The following KCTD1 variants were observed in gnomAD, a reference collection of about 807,000 sequenced individuals.
KCTD1 encodes potassium channel tetramerization domain containing 1, also known as BTB/POZ domain-containing protein KCTD1.
In KCTD1, 24 loss-of-function variants were observed where a neutral mutation model predicts 66.0. That is an observed-to-expected ratio of 0.36 (90% CI 0.26 to 0.51). The LOEUF is 0.51. Ranked by LOEUF, KCTD1 falls within the 20% of genes least tolerant of loss-of-function variation. The pLI is 0.95. For missense variants in KCTD1, 943 were observed against 1,205.2 expected, an observed-to-expected ratio of 0.78 and a Z score of 3.22; for synonymous variants, 511 against 517.2, an observed-to-expected ratio of 0.99 and a Z score of 0.16.
At chr18:26,651,407 C>G (rs763434714) in intron 1 of KCTD1, among the ~76,000 whole-genome samples, 26 of 152,176 alleles carry the variant, frequency 1.7e-4, no homozygotes, top group Non-Finnish European at 3.1e-4. Flanking sequence ...ACGGATATAA[C>G]CTTTCTAATC....
chr18:26,513,152 A>G (rs1983432756), intron 1 of KCTD1, among the ~76,000 whole-genome samples: 1 of 146,312 alleles, frequency 6.8e-6, no homozygotes, highest in Non-Finnish European at 1.5e-5. Flanking sequence ...CAATGGCGCC[A>G]TCTCGGTTCA....
Position 26,567,623 on chromosome 18 carries a change from GA to G in KCTD1, c.-16+61523del, listed in dbSNP as rs750000127. The stretch of plus-strand genomic sequence containing the variant: ...CTGCCTCAGCCTCCCGAGTAGGTGG[GA>G]TTACAGGCATGCACCACCACACTTG... On this transcript the variant is annotated intron_variant, in intron 1 of 4. Transcript: ENST00000317932. 1.1e-4 allele frequency among the ~76,000 whole-genome samples: 16 copies of G among 151,964 alleles called. No homozygotes were observed. In the East Asian group the frequency reaches 1.3e-3, roughly 13 times the overall value.
At chr18:26,556,613 T>A (rs1293999365) in intron 1 of KCTD1, among the ~76,000 whole-genome samples, 1 of 152,240 alleles carries the variant, frequency 6.6e-6, no homozygotes, top group Non-Finnish European at 1.5e-5. Flanking sequence ...ACATGCATCA[T>A]AGTTCTTTCT....
In KCTD1 at chr18:26,599,590, T is replaced by C; in HGVS notation, c.-16+29557A>G. Reference sequence around the variant, plus strand: ...CCCACAAAGAATCCAGCTTTGACATTATTTTGTCGGGTTTAGTCCCGGGAA... The same window carrying C: ...CCCACAAAGAATCCAGCTTTGACATCATTTTGTCGGGTTTAGTCCCGGGAA... On this transcript the variant is annotated intron_variant, in intron 1 of 4. Coordinates refer to the KCTD1 transcript ENST00000317932. 5 of 1,505,226 alleles carry C rather than the reference T, an allele frequency of 3.3e-6. No homozygotes were observed. In the South Asian group the frequency reaches 5.6e-5, roughly 17 times the overall value. The allele number at this position is 1,505,226 out of a possible 1,614,324, so 93.2% of individuals were successfully genotyped here.
At chr18:26,632,347 C>G (rs1987638906), upstream of KCTD1, among the ~76,000 whole-genome samples, 1 of 152,082 alleles carries the variant, frequency 6.6e-6, no homozygotes, top group Non-Finnish European at 1.5e-5. Context: ...GATTGCACCA[C>G]TGCACTCCAG....
chr18:26,473,740 G>T (rs62087027), intron 3 of KCTD1, among the ~76,000 whole-genome samples: 1 of 152,168 alleles, frequency 6.6e-6, no homozygotes, highest in African/African-American at 2.4e-5. Context: ...AGTGCGGTGA[G>T]ATGCACGCCA....
At chr18:26,601,047 G>A (rs1210348318) in intron 1 of KCTD1, among the ~76,000 whole-genome samples, 2 of 152,004 alleles carry the variant, frequency 1.3e-5, no homozygotes, top group African/African-American at 4.8e-5. Flanking sequence ...GCTCAGTTTG[G>A]ACCATTGGAG....
chr18:26,603,742 C>CA (rs1198284277), intron 1 of KCTD1, among the ~76,000 whole-genome samples: 2 of 76,178 alleles, frequency 2.6e-5, no homozygotes, highest in East Asian at 6.6e-4. Context: ...GACTGTGTCT[C>CA]AAAAAAATAA....
At chr18:26,519,329 A>G (rs1417398855) in intron 1 of KCTD1, among the ~76,000 whole-genome samples, 1 of 152,214 alleles carries the variant, frequency 6.6e-6, no homozygotes, top group Non-Finnish European at 1.5e-5. Context: ...AAATATGCAA[A>G]AGATGAGACT....
intron 1 of KCTD1, among the ~76,000 whole-genome samples, chr18:26,564,315 C>T (rs904016863): frequency 8.5e-5 from 13 of 152,160 alleles, no homozygotes; most frequent in African/African-American, 3.1e-4. Flanking sequence ...ACAATATATA[C>T]CCCAGGCCTG....
At chr18:26,599,259 G>T in intron 1 of KCTD1, 1 of 644,628 alleles carries the variant, frequency 1.6e-6, no homozygotes, top group South Asian at 2.3e-5. Context: ...AAAAGTTGTT[G>T]AAAAGACTAT....
At chr18:26,490,599 C>T (rs1249173474) in intron 2 of KCTD1, among the ~76,000 whole-genome samples, 4 of 152,118 alleles carry the variant, frequency 2.6e-5, no homozygotes, top group African/African-American at 9.7e-5. Context: ...ACTGCAGCTG[C>T]CCTGGGGTGG....
At chr18:26,576,067 C>A (rs761222407) in intron 1 of KCTD1, among the ~76,000 whole-genome samples, 4 of 152,198 alleles carry the variant, frequency 2.6e-5, no homozygotes, top group Non-Finnish European at 4.4e-5. Flanking sequence ...TAGATAGCAT[C>A]GCCTCCAGGA....
At chr18:26,591,258 C>A (rs1213491634) in intron 1 of KCTD1, among the ~76,000 whole-genome samples, 1 of 152,166 alleles carries the variant, frequency 6.6e-6, no homozygotes, top group Non-Finnish European at 1.5e-5. Context: ...AAACTCCTGG[C>A]TCCAAGCAGT....
intron 1 of KCTD1, among the ~76,000 whole-genome samples, chr18:26,645,563 G>T (rs1013345679): frequency 2.6e-5 from 4 of 151,966 alleles, no homozygotes; most frequent in African/African-American, 9.7e-5. Flanking sequence ...CCCCATGCCT[G>T]GTTATTATTA....
At chr18:26,558,895 C>T (rs1235985195) in intron 1 of KCTD1, among the ~76,000 whole-genome samples, 1 of 151,492 alleles carries the variant, frequency 6.6e-6, no homozygotes, top group Non-Finnish European at 1.5e-5. Context: ...TGCACTCCAG[C>T]CTGGGTGACA....
chr18:26,459,909 T>C lies in KCTD1; in HGVS notation c.2150A>G (p.Tyr717Cys). 1 of 1,593,988 alleles carries C rather than the reference T, an allele frequency of 6.3e-7. No individual in the cohort carries two copies. Among genetic ancestry groups the C allele is most frequent in the South Asian group, 1.1e-5 (1 of 87,924 alleles). Residue 717 changes from tyrosine (Y) to cysteine (C), a missense_variant, in exon 4 of 5, where the codon TAT (tyrosine) becomes TGT (cysteine). Transcript: ENST00000580059. ...PDDFKDYTLL[Y>C]EEAKYFQLQP... ...AAGCTGAAAATATTTTGCCTCTTCATATAACAAAGTGTAGTCCTGGAAAAA... is the reference window on the plus strand; with the variant it reads ...AAGCTGAAAATATTTTGCCTCTTCACATAACAAAGTGTAGTCCTGGAAAAA...
At chr18:26,479,421 C>G (rs944738707) in intron 2 of KCTD1, among the ~76,000 whole-genome samples, 1 of 152,232 alleles carries the variant, frequency 6.6e-6, no homozygotes, top group Non-Finnish European at 1.5e-5. Flanking sequence ...GCAGACCCCC[C>G]GCCAGGCCGT....
chr18:26,536,860 C>A (rs532589787), intron 1 of KCTD1, among the ~76,000 whole-genome samples: 1 of 151,998 alleles, frequency 6.6e-6, no homozygotes, highest in East Asian at 1.9e-4. Flanking sequence ...TTCTAAAAAC[C>A]CTTCAAGGGA....
Sources: gnomAD v4.1 joint callset for allele counts (sites outside exome capture counted in the v4.1 genomes callset) on GRCh38, gnomAD v4.1.1 for gene constraint, MANE v1.5 for transcripts, NCBI Gene and HGNC (gene_info 2026-07-23, HGNC 2026-07-21) for gene names.